Variants in FBXO33 observed in about 807,000 individuals in gnomAD.
FBXO33 encodes F-box only protein 33.
Under a neutral mutation model 46.3 loss-of-function variants are expected in FBXO33, and 22 were observed. That is an observed-to-expected ratio of 0.48 (90% CI 0.34 to 0.68). The LOEUF is 0.68. Among genes scored for constraint, FBXO33 ranks in the 30% least tolerant of loss-of-function variants. The pLI is 0.01. For missense variants in FBXO33, 692 were observed against 708.8 expected, an observed-to-expected ratio of 0.98 and a Z score of 0.27; for synonymous variants, 337 against 291.3, an observed-to-expected ratio of 1.16 and a Z score of -1.60.
At position 39,402,419 on chromosome 14, in the gene FBXO33, T is replaced by A; in HGVS notation, c.692A>T (p.Asp231Val). Residue 231 changes from aspartate to valine, a missense_variant, in exon 2 of 4, where the codon GAT (aspartate) becomes GTT (valine). Coordinates refer to ENST00000298097, the MANE Select transcript of FBXO33 (RefSeq NM_203301.4). ...SNTYLSKVDP[D>V]GKKIKQIQQL... ...AACTTACTGTTTAATTTTTTTGCCA[T>A]CAGGGTCCACCTTGCTGAGGTATGT... 1 of 1,571,212 alleles carries A rather than the reference T, an allele frequency of 6.4e-7. No homozygotes were observed. The highest frequency in any genetic ancestry group is 8.6e-7 in the Non-Finnish European group (1 of 1,158,644).
In FBXO33 at chr14:39,399,485, G is replaced by GT; in HGVS notation, c.*30dup. On this transcript the variant is annotated 3_prime_UTR_variant, in exon 4 of 4. Transcript: ENST00000298097. Reference sequence around the variant, plus strand: ...ACATAATAGGACCCTACTTGCATATGTAACCACAGGAATTCTACATTAAAA... The same window carrying GT: ...ACATAATAGGACCCTACTTGCATATGTTAACCACAGGAATTCTACATTAAAA... 6.3e-7 allele frequency: 1 copy of GT among 1,579,010 alleles called. No individual in the cohort carries two copies. Among genetic ancestry groups the GT allele is most frequent in the South Asian group, 1.2e-5 (1 of 86,416 alleles).
intron 1 of FBXO33, 45 bp from the exon 2 acceptor site, chr14:39,402,556 T>G (rs2075373542): frequency 2.1e-6 from 2 of 936,496 alleles, no homozygotes; most frequent in Non-Finnish European, 2.9e-6. Flanking sequence ...TAATTTATAC[T>G]TAAAAAATAT....
In FBXO33 at chr14:39,431,696, T is replaced by C. The variant is rs1595990806; in HGVS notation, c.467A>G (p.Asp156Gly). Residue 156 changes from aspartate to glycine, a missense_variant, in exon 1 of 4, where the codon GAC becomes GGC. Physicochemically the swap from Asp to Gly is moderately conservative, Grantham distance 94. Transcript: ENST00000298097. The stretch of plus-strand genomic sequence containing the variant: ...AGTCCCGGTGTCCGCGCCACCTCCG[T>C]CCCCTGGGCCACCGCCGCTCAGATA... ...ENYLSGGGPG[D>G]GGGADTGTGG... 3 of 1,612,990 alleles carry C rather than the reference T, an allele frequency of 1.9e-6. No individual in the cohort carries two copies. In the Middle Eastern group the frequency reaches 4.9e-4, roughly 266 times the overall value.
chr14:39,422,206 C>T (rs2075488712), intron 1 of FBXO33, among the ~76,000 whole-genome samples: 1 of 152,102 alleles, frequency 6.6e-6, no homozygotes, highest in Non-Finnish European at 1.5e-5. Context: ...TGCAGTGAGC[C>T]AATATTGTGC....
chr14:39,401,526 T>C lies in FBXO33; in HGVS notation c.1046A>G (p.Lys349Arg), dbSNP rs539795896. The change falls in exon 3 of 4, where the codon AAG (lysine) becomes AGG (arginine). Residue 349 changes from lysine to arginine, a missense_variant. Lys to Arg is a conservative substitution (Grantham distance 26). Around this residue, in one of 3 missense-constraint regions of FBXO33, gnomAD observed 186 missense variants for 246.1 expected, o/e 0.76. Transcript: ENST00000298097. Reference protein sequence around the residue: ...LLVHNVSVMHKSLDNMPNDEH... With the variant: ...LLVHNVSVMHRSLDNMPNDEH... The stretch of plus-strand genomic sequence containing the variant: ...ATCATTTGGCATGTTGTCCAGAGAC[T>C]TGTGCATTACAGAAACATTGTGAAC... 4.3e-6 allele frequency: 7 copies of C among 1,614,230 alleles called. No individual in the cohort carries two copies. The Admixed American group carries it at 5.0e-5, about 12-fold the overall frequency.
At chr14:39,404,264 A>G (rs2075382099) in intron 1 of FBXO33, among the ~76,000 whole-genome samples, 1 of 152,226 alleles carries the variant, frequency 6.6e-6, no homozygotes, top group African/African-American at 2.4e-5. Context: ...ATGGTGCTAC[A>G]TATCATGGGC....
At chr14:39,412,809 A>T (rs2075429885) in intron 1 of FBXO33, among the ~76,000 whole-genome samples, 1 of 152,258 alleles carries the variant, frequency 6.6e-6, no homozygotes, top group Non-Finnish European at 1.5e-5. Flanking sequence ...TTTACACTGT[A>T]ATGTAGTTTA....
Position 39,432,243 on chromosome 14 carries a change from G to C in FBXO33, c.-81C>G, listed in dbSNP as rs760798312. 7.3e-6 allele frequency: 8 copies of C among 1,101,870 alleles called. No individual in the cohort carries two copies. The highest frequency in any genetic ancestry group is 9.0e-6 in the Non-Finnish European group (8 of 888,074). 68.3% of individuals were successfully genotyped at this position (1,101,870 alleles called of 1,614,324 possible). On this transcript the variant is annotated 5_prime_UTR_variant, in exon 1 of 4. Coordinates refer to ENST00000298097, the MANE Select transcript of FBXO33 (RefSeq NM_203301.4). Reference sequence around the variant, plus strand: ...AACACAAGTTGTGGAGAGGGGGAAAGGCCTCTGCGGGCGTGGCCTGCCGGG... The same window carrying C: ...AACACAAGTTGTGGAGAGGGGGAAACGCCTCTGCGGGCGTGGCCTGCCGGG...
Position 39,398,113 on chromosome 14 carries a change from G to A in FBXO33, c.*1403C>T, listed in dbSNP as rs2075351463. ...TCTGGACATCTGTTGCATAAATTGTGTTTCCAAAGCTTACAATAGAGCAGC... is the reference window on the plus strand; with the variant it reads ...TCTGGACATCTGTTGCATAAATTGTATTTCCAAAGCTTACAATAGAGCAGC... On this transcript the variant is annotated 3_prime_UTR_variant, in exon 4 of 4. Transcript: ENST00000298097. 6.6e-6 allele frequency: 1 copy of A among 152,654 alleles called. No homozygotes were observed. The highest frequency in any genetic ancestry group is 2.4e-5 in the African/African-American group (1 of 41,450). The allele number at this position is 152,654 out of a possible 1,614,324, so 9.5% of individuals were successfully genotyped here.
At position 39,431,975 on chromosome 14, in the gene FBXO33, C is replaced by A; in HGVS notation, c.188G>T (p.Gly63Val). ...SRRRGRMALC[G>V]QAAGAASLPS... is the part of the protein sequence containing the mutation. ...CAGCGACGCAGCGCCCGCCGCCTGC[C>A]CGCACAGAGCCATCCGGCCCCGCCG... Residue 63 changes from glycine (G) to valine (V), a missense_variant, in exon 1 of 4, where the codon GGG becomes GTG. By Grantham distance (109) the Gly-to-Val change is moderately radical. Transcript: ENST00000298097. The A allele has an allele frequency of 6.6e-7, 1 of 1,516,452 alleles. No homozygotes were observed. Among genetic ancestry groups the A allele is most frequent in the Non-Finnish European group, 8.8e-7 (1 of 1,139,368 alleles). The allele number at this position is 1,516,452 out of a possible 1,614,324, so 93.9% of individuals were successfully genotyped here. A position where few individuals can be genotyped will look rare whatever the true frequency, so the allele number is the denominator to read the frequency against.
At chr14:39,402,582 G>T in intron 1 of FBXO33, 71 bp from the exon 2 acceptor site, 3 of 697,888 alleles carry the variant, frequency 4.3e-6, no homozygotes, top group Non-Finnish European at 6.0e-6. Context: ...TAAAAAATAA[G>T]AATATGCAAA....
intron 1 of FBXO33, among the ~76,000 whole-genome samples, chr14:39,419,998 T>C (rs1442912754): frequency 6.6e-6 from 1 of 152,236 alleles, no homozygotes; most frequent in Non-Finnish European, 1.5e-5. Flanking sequence ...TTTCTTCTAC[T>C]TAATTTTGTC....
chr14:39,428,735 G>A (rs1047195790), intron 1 of FBXO33, among the ~76,000 whole-genome samples: 4 of 152,048 alleles, frequency 2.6e-5, no homozygotes, highest in Admixed American at 2.6e-4. Flanking sequence ...ATTTTAATAG[G>A]CAGTACCCAA....
Position 39,432,129 on chromosome 14 carries a change from G to A in FBXO33, c.34C>T (p.Pro12Ser). ...CCGGCTCGGGTTCGAGCTCCCGGCG[G>A]TCGGGGCTGCGGCACTGACAAGAAC... ...LLFLSVPQPRPPGARTRAGAA... is the reference protein window; with the variant it reads ...LLFLSVPQPRSPGARTRAGAA... Residue 12 changes from proline (P) to serine (S), a missense_variant, in exon 1 of 4, where the codon CCG becomes TCG. By Grantham distance (74) the Pro-to-Ser change is moderately conservative. Around this residue, in one of 3 missense-constraint regions of FBXO33, gnomAD observed 412 missense variants for 370.8 expected, o/e 1.11. Transcript: ENST00000298097. 3 of 1,241,842 alleles carry A rather than the reference G, an allele frequency of 2.4e-6. No homozygotes were observed. Among genetic ancestry groups the A allele is most frequent in the Non-Finnish European group, 3.0e-6 (3 of 994,724 alleles). The allele number at this position is 1,241,842 out of a possible 1,614,324, so 76.9% of individuals were successfully genotyped here.
intron 1 of FBXO33, among the ~76,000 whole-genome samples, chr14:39,424,255 C>T (rs2075499457): frequency 6.6e-6 from 1 of 152,186 alleles, no homozygotes; most frequent in Non-Finnish European, 1.5e-5. Context: ...CTTAACTTCC[C>T]TATTTTAAAT....
chr14:39,401,363 G>A lies in FBXO33; in HGVS notation c.1209C>T (p.Ile403=), dbSNP rs757152219. ...PLERIHFDSY[I]TCVSGAIVDL... The stretch of plus-strand genomic sequence containing the variant: ...CAACAATAGCCCCTGAAACACAAGT[G>A]ATATAGCTATCAAAATGAATCCTCT... The change falls in exon 3 of 4, where the codon ATC becomes ATT. Residue 403 remains isoleucine, a synonymous_variant. Transcript: ENST00000298097. 1 of 1,614,126 alleles carries A rather than the reference G, an allele frequency of 6.2e-7. No individual in the cohort carries two copies. The highest frequency in any genetic ancestry group is 1.7e-5 in the Admixed American group (1 of 60,016).
intron 1 of FBXO33, among the ~76,000 whole-genome samples, chr14:39,410,782 T>C (rs1351624661): frequency 6.6e-6 from 1 of 152,220 alleles, no homozygotes; most frequent in African/African-American, 2.4e-5. Context: ...TGAATTTATT[T>C]ATTCTTCTAG....
intron 1 of FBXO33, among the ~76,000 whole-genome samples, chr14:39,425,345 A>G (rs1007989625): frequency 2.6e-5 from 4 of 152,202 alleles, no homozygotes; most frequent in African/African-American, 9.6e-5. Context: ...GATTTAATAC[A>G]CAGGAACAAT....
chr14:39,405,721 C>T (rs1206885649), intron 1 of FBXO33, among the ~76,000 whole-genome samples: 3 of 151,576 alleles, frequency 2.0e-5, no homozygotes, highest in Non-Finnish European at 4.4e-5. Flanking sequence ...ACAAATGCTA[C>T]ATTTTAAAAA....
Sources: gnomAD v4.1 joint callset for allele counts (sites outside exome capture counted in the v4.1 genomes callset) on GRCh38, gnomAD v4.1.1 for gene constraint, gnomAD v4.1.1 regional missense constraint, MANE v1.5 for transcripts, NCBI Gene and HGNC (gene_info 2026-07-23, HGNC 2026-07-21) for gene names.